AUTS2: variants seen among roughly 807,000 people sequenced by gnomAD.
AUTS2 encodes autism susceptibility gene 2 protein.
Under a neutral mutation model 112.4 loss-of-function variants are expected in AUTS2, and 17 were observed. The ratio of observed to expected loss-of-function variants is 0.15; its 90% CI spans 0.10 to 0.23. The LOEUF (loss-of-function observed/expected upper bound fraction) is 0.23, where lower values mean the gene tolerates loss of function less well. AUTS2 is among the 10% of genes least tolerant of loss of function. The pLI is 1.00. For missense variants in AUTS2, 1,510 were observed against 1,701.6 expected, an observed-to-expected ratio of 0.89 and a Z score of 1.98; for synonymous variants, 751 against 702.7, an observed-to-expected ratio of 1.07 and a Z score of -1.09.
intron 3 of AUTS2, among the ~76,000 whole-genome samples, chr7:70,122,773 C>T (rs1750245485): frequency 1.3e-5 from 2 of 151,924 alleles, no homozygotes; most frequent in African/African-American, 2.4e-5. Flanking sequence ...TTTTGAGATC[C>T]CTAGTCACAT....
intron 1 of AUTS2, among the ~76,000 whole-genome samples, chr7:69,802,313 T>C (rs2129338647): frequency 6.6e-6 from 1 of 152,324 alleles, no homozygotes; most frequent in South Asian, 2.1e-4. Flanking sequence ...TTTTCTAAGC[T>C]CTAGTTTGTG....
In AUTS2 at chr7:70,611,257, C is replaced by T. The variant is rs183233244; in HGVS notation, c.691-87312C>T. 2.6e-3 allele frequency among the ~76,000 whole-genome samples: 391 copies of T among 152,280 alleles called. 1 individual carries two copies. Among genetic ancestry groups the T allele is most frequent in the African/African-American group, 8.1e-3 (335 of 41,550 alleles). On this transcript the variant is annotated intron_variant, in intron 5 of 18. Coordinates refer to ENST00000342771, the MANE Select transcript of AUTS2 (RefSeq NM_015570.4). ...TTCCCCATTAGCCAGTGGGTATTAA[C>T]GAAAGAGTGAAGTGTTACTTGTAGA... is the stretch of plus-strand genomic sequence containing the variant.
At chr7:70,548,933 C>T (rs941446482) in intron 5 of AUTS2, among the ~76,000 whole-genome samples, 4 of 141,140 alleles carry the variant, frequency 2.8e-5, no homozygotes, top group Non-Finnish European at 6.3e-5. Context: ...TACCCCCCCC[C>T]CAAAAAAAAA....
chr7:70,037,582 A>G (rs1032242228), intron 2 of AUTS2, among the ~76,000 whole-genome samples: 3 of 152,212 alleles, frequency 2.0e-5, no homozygotes, highest in Non-Finnish European at 4.4e-5. Context: ...AATTTTTTAT[A>G]TAATTTTTTG....
At chr7:69,890,693 GAAAA>G (rs56364103) in intron 1 of AUTS2, among the ~76,000 whole-genome samples, 70 of 134,062 alleles carry the variant, frequency 5.2e-4, no homozygotes, top group Non-Finnish European at 1.0e-3. Flanking sequence ...TGTTAAAAAT[GAAAA>G]AAAAAAAAAA....
chr7:69,762,994 C>G (rs982768922), intron 1 of AUTS2, among the ~76,000 whole-genome samples: 1 of 152,040 alleles, frequency 6.6e-6, no homozygotes, highest in South Asian at 2.1e-4. Context: ...TCATCAAGCT[C>G]GGGGATACAA....
At chr7:70,344,046 G>A (rs921768484) in intron 4 of AUTS2, among the ~76,000 whole-genome samples, 3 of 152,064 alleles carry the variant, frequency 2.0e-5, no homozygotes, top group Non-Finnish European at 2.9e-5. Flanking sequence ...AATGTAAGGG[G>A]GCACTCACTT....
chr7:70,126,199 A>G (rs936591288), intron 3 of AUTS2, among the ~76,000 whole-genome samples: 13 of 152,192 alleles, frequency 8.5e-5, no homozygotes, highest in Non-Finnish European at 1.8e-4. Context: ...CAGGCAGATC[A>G]CTTGAGGTCA....
At chr7:69,634,792 G>A (rs1446191570) in intron 1 of AUTS2, among the ~76,000 whole-genome samples, 2 of 152,194 alleles carry the variant, frequency 1.3e-5, no homozygotes, top group Non-Finnish European at 2.9e-5. Flanking sequence ...TTTTCTAATA[G>A]TGCTGTGTTA....
At chr7:70,345,916 T>C (rs1021916272) in intron 4 of AUTS2, among the ~76,000 whole-genome samples, 2 of 152,190 alleles carry the variant, frequency 1.3e-5, no homozygotes, top group Admixed American at 1.3e-4. Flanking sequence ...ATCCAGATAG[T>C]TGAGGTCCCA....
At chr7:69,917,822 T>TTTG (rs58362194) in intron 2 of AUTS2, among the ~76,000 whole-genome samples, 40,554 of 149,126 alleles carry the variant, frequency 0.27, 5,671 homozygotes, top group Middle Eastern at 0.31. Flanking sequence ...CAAGGACACC[T>TTTG]TTGTTGTTGT....
At chr7:70,364,564 C>T (rs1247535577) in intron 4 of AUTS2, among the ~76,000 whole-genome samples, 2 of 101,088 alleles carry the variant, frequency 2.0e-5, no homozygotes, top group Non-Finnish European at 4.1e-5. Flanking sequence ...GACTCTGTCT[C>T]AAAAATAAAT....
chr7:70,641,377 A>G (rs1356322630), intron 5 of AUTS2, among the ~76,000 whole-genome samples: 1 of 151,846 alleles, frequency 6.6e-6, no homozygotes, highest in Non-Finnish European at 1.5e-5. Context: ...GTGAAACCCC[A>G]TCTCTACTAA....
At chr7:70,467,015 T>C (rs1255878681) in intron 5 of AUTS2, among the ~76,000 whole-genome samples, 2 of 152,190 alleles carry the variant, frequency 1.3e-5, no homozygotes, top group Non-Finnish European at 1.5e-5. Flanking sequence ...TAAGCAAGAT[T>C]TGGCAACTGA....
intron 1 of AUTS2, among the ~76,000 whole-genome samples, chr7:69,600,365 C>T (rs1465008436): frequency 6.6e-6 from 1 of 151,232 alleles, no homozygotes; most frequent in Non-Finnish European, 1.5e-5. Flanking sequence ...GGGTTTGGGG[C>T]GCCTGTGGAC....
intron 2 of AUTS2, among the ~76,000 whole-genome samples, chr7:69,957,366 A>G (rs960271725): frequency 3.9e-5 from 6 of 152,056 alleles, no homozygotes; most frequent in Admixed American, 2.0e-4. Flanking sequence ...AATTGAAGCT[A>G]TTTTAACAAG....
Position 70,217,934 on chromosome 7 carries a change from T to TTTTGTTTG in AUTS2, c.660+83379_660+83386dup, listed in dbSNP as rs142465356. On this transcript the variant is annotated intron_variant, in intron 4 of 18. Transcript: ENST00000342771. The stretch of plus-strand genomic sequence containing the variant: ...GAAAATTTCTTAAGTGTTTTCTGGT[T>TTTTGTTTG]TTTGTTTGTTTGTTTGTTTGTTTTT... 4.5e-4 allele frequency among the ~76,000 whole-genome samples: 68 copies of TTTTGTTTG among 152,352 alleles called. 1 individual carries two copies. Among genetic ancestry groups the TTTTGTTTG allele is most frequent in the African/African-American group, 1.4e-3 (60 of 41,588 alleles).
At position 70,519,308 on chromosome 7, in the gene AUTS2, A is replaced by G. The variant is rs1384139490; in HGVS notation, c.690+83527A>G. Among the ~76,000 whole-genome samples, 7 of 152,294 alleles carry G rather than the reference A, an allele frequency of 4.6e-5. No individual in the cohort carries two copies. In the East Asian group the frequency reaches 1.4e-3, roughly 29 times the overall value. ...GCCCAAGGACTCCTGAAAGGATAGG[A>G]TTAATGTGTTTTTTGAGCCAAAGTT... On this transcript the variant is annotated intron_variant, in intron 5 of 18. Transcript: ENST00000342771.
At chr7:69,761,195 G>A (rs1441021579) in intron 1 of AUTS2, among the ~76,000 whole-genome samples, 1 of 152,146 alleles carries the variant, frequency 6.6e-6, no homozygotes, top group Non-Finnish European at 1.5e-5. Context: ...TTGCTGCCCC[G>A]CTCTAATAGA....
Sources: allele counts gnomAD v4.1 joint callset (sites outside exome capture counted in the v4.1 genomes callset), GRCh38; gene constraint gnomAD v4.1.1; transcripts MANE v1.5; gene names NCBI Gene and HGNC (gene_info 2026-07-23, HGNC 2026-07-21).